BTAF1: variants seen among roughly 807,000 people sequenced by gnomAD.
BTAF1 encodes the protein TATA-binding protein-associated factor 172.
In BTAF1, 38 loss-of-function variants were observed where a neutral mutation model predicts 227.1. That is an observed-to-expected ratio of 0.17 (90% CI 0.13 to 0.22). The LOEUF is 0.22. Among genes scored for constraint, BTAF1 ranks in the 10% least tolerant of loss-of-function variants. The probability of loss-of-function intolerance (pLI) is 1.00; values close to 1 mark genes in which losing one functional copy is unlikely to be tolerated. For synonymous variants in BTAF1, 742 were observed against 751.9 expected, an observed-to-expected ratio of 0.99 and a Z score of 0.21; for missense variants, 1,598 against 2,204.0, an observed-to-expected ratio of 0.73 and a Z score of 5.51.
At chr10:91,960,865 A>G (rs1015398435) in intron 11 of BTAF1, among the ~76,000 whole-genome samples, 9 of 152,206 alleles carry the variant, frequency 5.9e-5, no homozygotes, top group African/African-American at 2.2e-4. Flanking sequence ...GTGGGTTATT[A>G]AAAACTCTGA....
At chr10:91,985,120 T>C (rs965521015) in intron 19 of BTAF1, among the ~76,000 whole-genome samples, 2 of 152,096 alleles carry the variant, frequency 1.3e-5, no homozygotes, top group Non-Finnish European at 2.9e-5. Flanking sequence ...AACATTATCA[T>C]CACCACTTCC....
intron 1 of BTAF1, among the ~76,000 whole-genome samples, chr10:91,933,639 A>G (rs1215413922): frequency 6.6e-6 from 1 of 152,214 alleles, no homozygotes; most frequent in African/African-American, 2.4e-5. Flanking sequence ...CTTGTAAAAA[A>G]CTATTGGATT....
At chr10:91,989,706 G>A (rs1021241118) in intron 20 of BTAF1, 126 bp downstream of exon 20, 15 of 933,552 alleles carry the variant, frequency 1.6e-5, no homozygotes, top group Non-Finnish European at 2.0e-5. Flanking sequence ...TGAGAGAAAA[G>A]GCTTGATTAT....
At chr10:91,942,070 A>G (rs1242211736) in intron 3 of BTAF1, among the ~76,000 whole-genome samples, 3 of 152,176 alleles carry the variant, frequency 2.0e-5, no homozygotes, top group African/African-American at 7.2e-5. Flanking sequence ...TGAGCCCCAG[A>G]GTTTGAGACC....
intron 1 of BTAF1, 128 bp downstream of exon 1, chr10:91,924,218 C>A: frequency 7.8e-7 from 1 of 1,286,302 alleles, no homozygotes; most frequent in Non-Finnish European, 1.0e-6. Flanking sequence ...CTTCAGTAGA[C>A]TTCGGAGTTC....
Position 91,965,478 on chromosome 10 carries a change from G to A in BTAF1, c.1530-1159G>A, listed in dbSNP as rs12220034. Among the ~76,000 whole-genome samples the A allele has an allele frequency of 9.2e-5, 14 of 152,248 alleles. No homozygotes were observed. In the East Asian group the frequency reaches 1.9e-3, roughly 21 times the overall value. ...AAAACTTCTACTTAAAAAAAAATGG[G>A]TGGAATGGATTTGGCCTATGGGCCT... On this transcript the variant is annotated intron_variant, in intron 13 of 37. Coordinates refer to ENST00000265990, the MANE Select transcript of BTAF1 (RefSeq NM_003972.3).
intron 30 of BTAF1, among the ~76,000 whole-genome samples, chr10:92,012,149 CCTGCT>C (rs2134120691): frequency 4.0e-5 from 1 of 25,030 alleles, no homozygotes; most frequent in Non-Finnish European, 7.0e-5. Context: ...CCTCCCCTCC[CCTGCT>C]CTCCTCCCCT....
intron 4 of BTAF1, among the ~76,000 whole-genome samples, chr10:91,943,072 G>C (rs1345384805): frequency 6.6e-6 from 1 of 152,130 alleles, no homozygotes; most frequent in East Asian, 1.9e-4. Context: ...CCAGCACTTT[G>C]AGAGGCCAAG....
chr10:91,935,864 C>T, intron 2 of BTAF1, 84 bp downstream of exon 2: 5 of 1,184,280 alleles, frequency 4.2e-6, no homozygotes, highest in Non-Finnish European at 5.6e-6. Flanking sequence ...AGGTAAACAT[C>T]ATCTTAATTT....
intron 4 of BTAF1, 122 bp from the exon 5 acceptor site, chr10:91,951,281 G>A: frequency 1.1e-6 from 1 of 945,026 alleles, no homozygotes; most frequent in South Asian, 1.8e-5. Context: ...GAATGAATAT[G>A]GTTGGTTTTA....
At chr10:91,944,728 T>C (rs1845244415) in intron 4 of BTAF1, among the ~76,000 whole-genome samples, 1 of 152,182 alleles carries the variant, frequency 6.6e-6, no homozygotes, top group African/African-American at 2.4e-5. Context: ...CTTACTTCCT[T>C]CCCTCCTCTT....
chr10:91,994,089 A>C, intron 22 of BTAF1, among the ~76,000 whole-genome samples: 1 of 152,132 alleles, frequency 6.6e-6, no homozygotes, highest in East Asian at 1.9e-4. Flanking sequence ...CCAGGTGGGC[A>C]GATCACTTGA....
chr10:91,955,044 C>T (rs1441387935), intron 6 of BTAF1, among the ~76,000 whole-genome samples: 1 of 152,094 alleles, frequency 6.6e-6, no homozygotes, highest in Non-Finnish European at 1.5e-5. Context: ...AAGCTAGGCA[C>T]AAAGGGGGAT....
chr10:91,951,255 T>C, intron 4 of BTAF1, 148 bp from the exon 5 acceptor site: 1 of 781,510 alleles, frequency 1.3e-6, no homozygotes, highest in Admixed American at 3.4e-5. Flanking sequence ...GGTAACAGAG[T>C]TTATGAGATG....
intron 1 of BTAF1, among the ~76,000 whole-genome samples, chr10:91,932,033 C>A (rs1844306034): frequency 6.6e-6 from 1 of 152,072 alleles, no homozygotes; most frequent in South Asian, 2.1e-4. Flanking sequence ...GGTGGGAGAG[C>A]AGAGGTGACC....
chr10:92,025,508 T>C (rs1851437423), intron 35 of BTAF1, among the ~76,000 whole-genome samples: 1 of 151,974 alleles, frequency 6.6e-6, no homozygotes, highest in Admixed American at 6.6e-5. Flanking sequence ...AGAGTAGCCA[T>C]TTTTAACAAG....
In BTAF1 at chr10:91,962,547, A is replaced by T; in HGVS notation, c.1273A>T (p.Asn425Tyr). Residue 425 changes from asparagine to tyrosine, a missense_variant, in exon 12 of 38, where the codon AAT (asparagine) becomes TAT (tyrosine). Asn to Tyr is a moderately radical substitution (Grantham distance 143). Transcript: ENST00000265990. Reference protein sequence around the residue: ...YALAVRQDVINTLLPKVLTRI... With the variant: ...YALAVRQDVIYTLLPKVLTRI... ...ATGTACTGTTTTACAGGATGTAATT[A>T]ATACTTTATTGCCTAAAGTTTTAAC... 6.5e-7 allele frequency: 1 copy of T among 1,548,544 alleles called. No homozygotes were observed. The highest frequency in any genetic ancestry group is 1.2e-5 in the South Asian group (1 of 86,676).
chr10:91,934,290 A>G (rs1844454410), intron 1 of BTAF1, among the ~76,000 whole-genome samples: 1 of 151,826 alleles, frequency 6.6e-6, no homozygotes, highest in Non-Finnish European at 1.5e-5. Flanking sequence ...GCTGGAGTGC[A>G]GTGGTACAAT....
At chr10:91,946,606 G>A (rs574676144) in intron 4 of BTAF1, among the ~76,000 whole-genome samples, 1 of 152,238 alleles carries the variant, frequency 6.6e-6, no homozygotes, top group Non-Finnish European at 1.5e-5. Context: ...TACTAATGGT[G>A]TGAAGTGATA....
Sources: allele counts gnomAD v4.1 joint callset (sites outside exome capture counted in the v4.1 genomes callset), GRCh38; gene constraint gnomAD v4.1.1; transcripts MANE v1.5; gene names NCBI Gene and HGNC (gene_info 2026-07-23, HGNC 2026-07-21).